SOX5: variants seen among roughly 807,000 people sequenced by gnomAD.
SOX5 encodes SRY-box transcription factor 5.
Under a neutral mutation model 92.0 loss-of-function variants are expected in SOX5, and 9 were observed. The ratio of observed to expected loss-of-function variants is 0.10; its 90% confidence interval spans 0.06 to 0.17. The LOEUF (loss-of-function observed/expected upper bound fraction) is 0.17, where lower values mean the gene tolerates loss of function less well. Ranked by LOEUF, SOX5 falls within the 10% of genes least tolerant of loss-of-function variation. The pLI, the probability that SOX5 is intolerant of heterozygous loss-of-function variation, is 1.00. For missense variants in SOX5, 642 were observed against 944.5 expected (o/e 0.68, Z 4.20); for synonymous variants, 344 against 336.3 (o/e 1.02, Z -0.25).
intron 3 of SOX5, among the ~76,000 whole-genome samples, chr12:23,803,460 G>A (rs961436449): frequency 6.6e-6 from 1 of 151,928 alleles, no homozygotes; most frequent in African/African-American, 2.4e-5. Context: ...TGAAATTCTT[G>A]CTCTCTTCTC....
chr12:24,063,308 A>G (rs1160401906), intron 4 of SOX5, among the ~76,000 whole-genome samples: 1 of 152,218 alleles, frequency 6.6e-6, no homozygotes, highest in Non-Finnish European at 1.5e-5. Context: ...CTGGTACATA[A>G]TGAGTGCTCA....
At chr12:24,491,538 C>G (rs1218012968) in intron 1 of SOX5, among the ~76,000 whole-genome samples, 1 of 151,676 alleles carries the variant, frequency 6.6e-6, no homozygotes, top group African/African-American at 2.4e-5. Flanking sequence ...ATATTTGAAC[C>G]AAACTTTTTA....
At chr12:24,396,457 G>T (rs186680938) in intron 1 of SOX5, among the ~76,000 whole-genome samples, 2 of 152,190 alleles carry the variant, frequency 1.3e-5, no homozygotes, top group African/African-American at 4.8e-5. Flanking sequence ...CTGAGTGGCC[G>T]AATGAAATAT....
chr12:24,093,802 A>T (rs1944976534), intron 4 of SOX5, among the ~76,000 whole-genome samples: 1 of 152,020 alleles, frequency 6.6e-6, no homozygotes, highest in South Asian at 2.1e-4. Flanking sequence ...AGATATTGCC[A>T]AATTGCTCTC....
chr12:24,234,133 A>C (rs779574611), intron 3 of SOX5, among the ~76,000 whole-genome samples: 8 of 152,170 alleles, frequency 5.3e-5, no homozygotes, highest in Non-Finnish European at 1.0e-4. Flanking sequence ...AAGAAAGATA[A>C]TTTTAGTATC....
At chr12:24,022,593 C>G (rs1030788142) in intron 4 of SOX5, among the ~76,000 whole-genome samples, 4 of 151,980 alleles carry the variant, frequency 2.6e-5, no homozygotes, top group African/African-American at 9.7e-5. Context: ...CACTGGTGTC[C>G]CTTCCCAGTG....
chr12:23,848,102 C>T (rs1273792969), intron 2 of SOX5, among the ~76,000 whole-genome samples: 3 of 152,108 alleles, frequency 2.0e-5, no homozygotes, highest in African/African-American at 7.2e-5. Context: ...TTATTTCTTT[C>T]CAGGACCAAA....
chr12:24,016,639 C>T (rs74068036), intron 4 of SOX5, among the ~76,000 whole-genome samples: 8,144 of 152,116 alleles, frequency 0.054, 691 homozygotes, highest in African/African-American at 0.19. Context: ...TTTGCAGAAA[C>T]GCAAAAAAAT....
In SOX5 at chr12:23,804,915, T is replaced by TTATATATA. The variant is rs528741802; in HGVS notation, c.481+41060_481+41067dup. Among the ~76,000 whole-genome samples the TTATATATA allele has an allele frequency of 2.3e-3, 171 of 74,992 alleles. 1 individual carries two copies. Among genetic ancestry groups the TTATATATA allele is most frequent in the Non-Finnish European group, 2.8e-3 (110 of 39,060 alleles). The allele number at this position is 74,992 out of a possible 152,430, so 49.2% of individuals were successfully genotyped here. A position where few individuals can be genotyped will look rare whatever the true frequency, so the allele number is the denominator to read the frequency against. Reference sequence around the variant, plus strand: ...TTTTCTCTATTTACCTATCATTGTTTTATATATATATATATATATATATAT... The same window carrying TTATATATA: ...TTTTCTCTATTTACCTATCATTGTTTTATATATATATATATATATATATATATATATAT... On this transcript the variant is annotated intron_variant, in intron 3 of 14. Coordinates refer to ENST00000451604, the MANE Select transcript of SOX5 (RefSeq NM_006940.6).
intron 2 of SOX5, among the ~76,000 whole-genome samples, chr12:23,856,295 T>C (rs1031722071): frequency 6.6e-6 from 1 of 152,108 alleles, no homozygotes; most frequent in African/African-American, 2.4e-5. Context: ...TTGTCAGTCT[T>C]AGAGTTTTAA....
intron 2 of SOX5, among the ~76,000 whole-genome samples, chr12:23,890,498 T>C (rs1243259254): frequency 6.6e-6 from 1 of 152,060 alleles, no homozygotes; most frequent in Non-Finnish European, 1.5e-5. Flanking sequence ...AACAACAATC[T>C]AACCAACAGA....
intron 1 of SOX5, among the ~76,000 whole-genome samples, chr12:24,546,716 A>G (rs1270775178): frequency 1.3e-5 from 2 of 152,204 alleles, no homozygotes; most frequent in African/African-American, 4.8e-5. Flanking sequence ...TTGGCAGAAA[A>G]TCTAAGAAAT....
intron 6 of SOX5, among the ~76,000 whole-genome samples, chr12:23,695,076 T>C (rs867487250): frequency 2.7e-5 from 4 of 150,652 alleles, no homozygotes; most frequent in African/African-American, 4.9e-5. Flanking sequence ...GCCGTGACTG[T>C]GTCACTCTAC....
intron 4 of SOX5, among the ~76,000 whole-genome samples, chr12:24,141,854 T>C (rs1950616880): frequency 1.3e-5 from 2 of 152,142 alleles, no homozygotes; most frequent in South Asian, 4.1e-4. Flanking sequence ...GTATGGAGAA[T>C]GTAAATGCCC....
chr12:23,966,348 A>G (rs1380930341), intron 4 of SOX5, among the ~76,000 whole-genome samples: 1 of 151,968 alleles, frequency 6.6e-6, no homozygotes, highest in Non-Finnish European at 1.5e-5. Context: ...AATTTTGTTC[A>G]GTAACTGTCA....
intron 3 of SOX5, among the ~76,000 whole-genome samples, chr12:24,248,266 T>C (rs997479): frequency 0.47 from 71,764 of 152,020 alleles, 20,162 homozygotes; most frequent in East Asian, 0.87. Context: ...GGAAAATTCA[T>C]AGGGTGGCTT....
chr12:24,313,117 T>C (rs1056157651), intron 2 of SOX5, among the ~76,000 whole-genome samples: 2 of 152,142 alleles, frequency 1.3e-5, no homozygotes, highest in Admixed American at 1.3e-4. Flanking sequence ...GCTTTCTTAC[T>C]ACTTTGAAGT....
intron 1 of SOX5, among the ~76,000 whole-genome samples, chr12:23,936,522 G>T (rs1023045046): frequency 1.5e-4 from 23 of 150,590 alleles, no homozygotes; most frequent in Non-Finnish European, 4.5e-5. Context: ...GTAGAAGAAG[G>T]CTAAGAATAA....
intron 3 of SOX5, among the ~76,000 whole-genome samples, chr12:24,253,442 C>A (rs1940559131): frequency 6.6e-6 from 1 of 151,896 alleles, no homozygotes; most frequent in African/African-American, 2.4e-5. Context: ...AGAAAAGACA[C>A]CATTGATCCT....
Sources: allele counts gnomAD v4.1 joint callset (sites outside exome capture counted in the v4.1 genomes callset), GRCh38; gene constraint gnomAD v4.1.1; transcripts MANE v1.5; gene names NCBI Gene and HGNC (gene_info 2026-07-23, HGNC 2026-07-21).